The following SLC9B2 variants were observed in gnomAD, a reference collection of about 807,000 sequenced individuals.
SLC9B2 encodes sodium/hydrogen exchanger 9B2.
In SLC9B2, 39 loss-of-function variants were observed where a neutral mutation model predicts 52.2. The ratio of observed to expected loss-of-function variants is 0.75; its 90% confidence interval spans 0.58 to 0.98. The LOEUF (loss-of-function observed/expected upper bound fraction) is 0.98, where lower values mean the gene tolerates loss of function less well. Among genes scored for constraint, SLC9B2 ranks in the 50% least tolerant of loss-of-function variants. The probability of loss-of-function intolerance (pLI) is 0.00; values close to 1 mark genes in which losing one functional copy is unlikely to be tolerated. For missense variants in SLC9B2, 626 were observed against 637.5 expected, an observed-to-expected ratio of 0.98 and a Z score of 0.19; for synonymous variants, 214 against 227.0, an observed-to-expected ratio of 0.94 and a Z score of 0.51.
intron 1 of SLC9B2, among the ~76,000 whole-genome samples, chr4:103,072,056 GTTTTTTTT>G: frequency 1.0e-5 from 1 of 95,328 alleles, no homozygotes; most frequent in South Asian, 3.7e-4. Context: ...TGGCTTTCAT[GTTTTTTTT>G]TTTTTTTTTT....
chr4:103,042,045 C>T (rs1743690692), intron 9 of SLC9B2: 2 of 151,852 alleles, frequency 1.3e-5, no homozygotes, highest in African/African-American at 4.8e-5. Flanking sequence ...GAGTTGATTT[C>T]AATTTGCAAA....
intron 3 of SLC9B2, among the ~76,000 whole-genome samples, chr4:103,061,649 T>TAA (rs1331874662): frequency 6.6e-6 from 1 of 152,010 alleles, no homozygotes; most frequent in Non-Finnish European, 1.5e-5. Flanking sequence ...CCCTAAAACT[T>TAA]AAAGTATAAT....
intron 1 of SLC9B2, among the ~76,000 whole-genome samples, chr4:103,068,301 T>C (rs1437237499): frequency 6.6e-6 from 1 of 152,232 alleles, no homozygotes; most frequent in Non-Finnish European, 1.5e-5. Context: ...TGGCTTTCCA[T>C]GCTATACAGG....
intron 1 of SLC9B2, among the ~76,000 whole-genome samples, chr4:103,069,182 A>G (rs1157859891): frequency 6.6e-6 from 1 of 152,198 alleles, no homozygotes; most frequent in East Asian, 1.9e-4. Context: ...AAAATGTTAG[A>G]CTCAGAGAAC....
chr4:103,039,649 C>CT (rs11464004), intron 9 of SLC9B2, among the ~76,000 whole-genome samples: 48,533 of 129,052 alleles, frequency 0.38, 9,295 homozygotes, highest in Middle Eastern at 0.43. Context: ...ATGGTATATT[C>CT]TTTTTTTTTT....
rs1262579888 is a variant in SLC9B2 at position 103,044,955 on chromosome 4, C to T, written c.931G>A (p.Val311Ile). ...FNVLRGVLEV[V>I]IGVATGSVLG... ...ACAGATCCAGTTGCCACACCAATTA[C>T]CACCTCCAAAACTCCTCTGAGGACA... The change falls in exon 8 of 12, where the codon GTA (valine) becomes ATA (isoleucine). Residue 311 changes from valine (V) to isoleucine (I), a missense_variant. Coordinates refer to ENST00000394785, the MANE Select transcript of SLC9B2 (RefSeq NM_178833.7). The T allele has an allele frequency of 6.2e-7, 1 of 1,613,848 alleles. No homozygotes were observed. Among genetic ancestry groups the T allele is most frequent in the Non-Finnish European group, 8.5e-7 (1 of 1,179,870 alleles).
chr4:103,018,804 A>C (rs917940244), downstream of SLC9B2, among the ~76,000 whole-genome samples: 1 of 152,198 alleles, frequency 6.6e-6, no homozygotes, highest in African/African-American at 2.4e-5. Flanking sequence ...ACCCCTGGGC[A>C]GCAGACAGGT....
At position 103,043,400 on chromosome 4, in the gene SLC9B2, C is replaced by A; in HGVS notation, c.1042G>T (p.Val348Leu). ...KRTFLVLGLS[V>L]LAVFSSVHFG... is the part of the protein sequence containing the mutation. ...TGCACACTGCTGAACACAGCTAGCA[C>A]AGACAACCCCAACACAAGGAATGTT... is the stretch of plus-strand genomic sequence containing the variant. Residue 348 changes from valine to leucine, a missense_variant, in exon 9 of 12, where the codon GTG becomes TTG. Physicochemically the swap from Val to Leu is conservative, Grantham distance 32. Coordinates refer to ENST00000394785, the MANE Select transcript of SLC9B2 (RefSeq NM_178833.7). 6.2e-7 allele frequency: 1 copy of A among 1,613,454 alleles called. No homozygotes were observed. The highest frequency in any genetic ancestry group is 1.7e-5 in the Admixed American group (1 of 59,858).
chr4:103,031,059 A>T (rs1742656142), intron 10 of SLC9B2, among the ~76,000 whole-genome samples: 2 of 152,184 alleles, frequency 1.3e-5, no homozygotes, highest in South Asian at 4.1e-4. Flanking sequence ...TGAAGAGAAG[A>T]AAATTGCGAC....
chr4:103,050,508 A>G (rs1425583835), intron 4 of SLC9B2, 126 bp from the exon 5 acceptor site: 13 of 871,972 alleles, frequency 1.5e-5, no homozygotes, highest in Non-Finnish European at 2.0e-5. Flanking sequence ...GAAGAAATTA[A>G]GTTAAACTTT....
downstream of SLC9B2, among the ~76,000 whole-genome samples, chr4:103,021,645 A>T (rs1488927968): frequency 6.6e-6 from 1 of 152,248 alleles, no homozygotes; most frequent in African/African-American, 2.4e-5. Context: ...TATACATGAC[A>T]TGATAAAAAA....
rs184804759 is a variant in SLC9B2 at position 103,044,907 on chromosome 4, A to C, written c.979T>G (p.Phe327Val). 14 of 1,613,688 alleles carry C rather than the reference A, an allele frequency of 8.7e-6. No individual in the cohort carries two copies. Among genetic ancestry groups the C allele is most frequent in the East Asian group, 2.2e-5 (1 of 44,852 alleles). Residue 327 changes from phenylalanine (F) to valine (V), a missense_variant, in exon 8 of 12, where the codon TTT becomes GTT. Physicochemically the swap from Phe to Val is conservative, Grantham distance 50. Transcript: ENST00000394785. Reference sequence around the variant, plus strand: ...TCTTTCACCTGGTCACGGCTTGGAAAGTACTGAATGAAAAATCCAAGAACA... The same window carrying C: ...TCTTTCACCTGGTCACGGCTTGGAACGTACTGAATGAAAAATCCAAGAACA... The part of the protein sequence containing the change: ...GSVLGFFIQY[F>V]PSRDQDKLVC...
At chr4:103,043,566 A>T in intron 8 of SLC9B2, 121 bp from the exon 9 acceptor site, 1 of 900,056 alleles carries the variant, frequency 1.1e-6, no homozygotes, top group Non-Finnish European at 1.6e-6. Context: ...ATAAATAGAC[A>T]AAACAAGTGC....
chr4:103,053,339 G>A (rs1744854699), intron 4 of SLC9B2, among the ~76,000 whole-genome samples: 1 of 152,046 alleles, frequency 6.6e-6, no homozygotes, highest in Non-Finnish European at 1.5e-5. Flanking sequence ...TTGGATACTG[G>A]CCTTAATGTA....
At chr4:103,042,090 G>C (rs540464329) in intron 9 of SLC9B2, 2 of 152,094 alleles carry the variant, frequency 1.3e-5, no homozygotes, top group African/African-American at 4.8e-5. Flanking sequence ...ATGCATTTCT[G>C]TTACACTGTT....
intron 4 of SLC9B2, among the ~76,000 whole-genome samples, chr4:103,057,293 TATAC>T (rs1745234117): frequency 6.8e-6 from 1 of 146,662 alleles, no homozygotes; most frequent in South Asian, 2.1e-4. Context: ...CACACACATA[TATAC>T]ACACACACAC....
intron 1 of SLC9B2, among the ~76,000 whole-genome samples, chr4:103,068,554 A>G (rs1746347639): frequency 6.6e-6 from 1 of 152,238 alleles, no homozygotes; most frequent in African/African-American, 2.4e-5. Context: ...AGGATAGTAG[A>G]TAAGTAAGAT....
At position 103,024,673 on chromosome 4, in the gene SLC9B2, G is replaced by A. The variant is rs920477993; in HGVS notation, c.*1697C>T. ...TAAAATGAACTTTGAATTCTAGGTC[G>A]AGGAGTTTAGATAGGATATGACAAG... On this transcript the variant is annotated 3_prime_UTR_variant, in exon 12 of 12. Transcript: ENST00000394785. Among the ~76,000 whole-genome samples the A allele has an allele frequency of 1.1e-4, 17 of 152,240 alleles. No individual in the cohort carries two copies. Among genetic ancestry groups the A allele is most frequent in the African/African-American group, 4.1e-4 (17 of 41,542 alleles).
rs556265927 is a variant in SLC9B2 at position 103,042,930 on chromosome 4, T to G, written c.1146+366A>C. Among the ~76,000 whole-genome samples, 105 of 152,240 alleles carry G rather than the reference T, an allele frequency of 6.9e-4. 1 individual carries two copies. Among genetic ancestry groups the G allele is most frequent in the African/African-American group, 2.4e-3 (100 of 41,566 alleles). On this transcript the variant is annotated intron_variant, in intron 9 of 11. Coordinates refer to ENST00000394785, the MANE Select transcript of SLC9B2 (RefSeq NM_178833.7). ...GTGTCATATAAAATAATTGTGTTTTTTAGAATTGACAGACTCAGATGAAAT... is the reference window on the plus strand; with the variant it reads ...GTGTCATATAAAATAATTGTGTTTTGTAGAATTGACAGACTCAGATGAAAT...
Sources: allele counts gnomAD v4.1 joint callset (sites outside exome capture counted in the v4.1 genomes callset), GRCh38; gene constraint gnomAD v4.1.1; transcripts MANE v1.5; gene names NCBI Gene and HGNC (gene_info 2026-07-23, HGNC 2026-07-21).